ADCY1: variants seen among roughly 807,000 people sequenced by gnomAD.
ADCY1 encodes the protein adenylate cyclase type 1.
A neutral mutation model predicts 105.4 loss-of-function variants in ADCY1; 28 were observed. The ratio of observed to expected loss-of-function variants is 0.27; its 90% CI spans 0.20 to 0.36. The LOEUF (loss-of-function observed/expected upper bound fraction) is 0.36, where lower values mean the gene tolerates loss of function less well. Ranked by LOEUF, ADCY1 falls within the 10% of genes least tolerant of loss-of-function variation. The pLI is 1.00. For missense variants in ADCY1, 977 were observed against 1,434.2 expected (o/e 0.68, Z 5.15); for synonymous variants, 655 against 623.8 (o/e 1.05, Z -0.75).
rs1207174847 is a variant in ADCY1 at position 45,626,951 on chromosome 7, G to GAAGGAGATGCTCCAATGT, written c.1020+4209_1020+4226dup. 2.9e-4 allele frequency among the ~76,000 whole-genome samples: 44 copies of GAAGGAGATGCTCCAATGT among 152,318 alleles called. 1 individual carries two copies. Among genetic ancestry groups the GAAGGAGATGCTCCAATGT allele is most frequent in the African/African-American group, 1.0e-3 (42 of 41,570 alleles). ...ATTGTTTTATAGCACTAGAGGGCCA[G>GAAGGAGATGCTCCAATGT]AAGGAGATGCTCCAATGTGAGCAGA... On this transcript the variant is annotated intron_variant, in intron 4 of 19. Transcript: ENST00000297323.
intron 3 of ADCY1, among the ~76,000 whole-genome samples, chr7:45,611,839 T>C (rs1320643165): frequency 6.6e-6 from 1 of 152,164 alleles, no homozygotes; most frequent in Non-Finnish European, 1.5e-5. Context: ...TTTCTGCTGT[T>C]TTTTGCTGGT....
chr7:45,636,208 A>G (rs890007966), intron 4 of ADCY1, among the ~76,000 whole-genome samples: 1 of 152,214 alleles, frequency 6.6e-6, no homozygotes, highest in Non-Finnish European at 1.5e-5. Flanking sequence ...TTCTAAGACT[A>G]CCAATGGATA....
At chr7:45,612,156 G>A (rs898348156) in intron 3 of ADCY1, among the ~76,000 whole-genome samples, 6 of 152,204 alleles carry the variant, frequency 3.9e-5, no homozygotes, top group Non-Finnish European at 5.9e-5. Flanking sequence ...CTGCAGAGGA[G>A]GATGCTTAAG....
At chr7:45,620,216 G>A (rs1793853718) in intron 3 of ADCY1, among the ~76,000 whole-genome samples, 1 of 152,154 alleles carries the variant, frequency 6.6e-6, no homozygotes, top group African/African-American at 2.4e-5. Context: ...ATTAAAGAGT[G>A]TCATTGTGGT....
chr7:45,660,251 G>A (rs1205593448), intron 7 of ADCY1, 68 bp downstream of exon 7: 4 of 1,582,418 alleles, frequency 2.5e-6, no homozygotes, highest in Non-Finnish European at 3.4e-6. Context: ...CTTTACAGAT[G>A]TGACTCCTCC....
At chr7:45,621,367 T>A in intron 3 of ADCY1, among the ~76,000 whole-genome samples, 1 of 152,108 alleles carries the variant, frequency 6.6e-6, no homozygotes, top group East Asian at 1.9e-4. Context: ...TGCCCTGCCA[T>A]GAATCTTTTA....
intron 1 of ADCY1, among the ~76,000 whole-genome samples, chr7:45,579,518 T>C (rs1469129043): frequency 6.6e-6 from 1 of 152,098 alleles, no homozygotes; most frequent in East Asian, 1.9e-4. Flanking sequence ...GGCCCGCTTA[T>C]CTTCGTGGCC....
At chr7:45,606,255 T>C (rs1474003498) in intron 2 of ADCY1, among the ~76,000 whole-genome samples, 13 of 151,828 alleles carry the variant, frequency 8.6e-5, no homozygotes, top group Admixed American at 7.2e-4. Context: ...GGTGGGTTGA[T>C]TGGGGGCCCC....
At chr7:45,624,440 A>T (rs1386660687) in intron 4 of ADCY1, among the ~76,000 whole-genome samples, 1 of 152,140 alleles carries the variant, frequency 6.6e-6, no homozygotes, top group Admixed American at 6.5e-5. Context: ...CCAGTTGTAA[A>T]GTCACTGTTT....
intron 2 of ADCY1, among the ~76,000 whole-genome samples, chr7:45,597,572 T>G (rs1370296997): frequency 6.6e-6 from 1 of 152,158 alleles, no homozygotes; most frequent in East Asian, 1.9e-4. Context: ...ATACAGACAC[T>G]AGGAGCTTTC....
rs184241840 is a variant in ADCY1 at position 45,696,814 on chromosome 7, G to T, written c.2455-6562G>T. 1.4e-3 allele frequency among the ~76,000 whole-genome samples: 216 copies of T among 152,308 alleles called. 5 individuals are homozygous for T. In the East Asian group the frequency reaches 0.036, roughly 25 times the overall value. On this transcript the variant is annotated intron_variant, in intron 14 of 19. Transcript: ENST00000297323. ...ACCCCAGAAGTTGCTTTCTGCCCAC[G>T]GAGTGGGCAGAAATGTGCACAGGCT...
intron 11 of ADCY1, 38 bp from the exon 12 acceptor site, chr7:45,684,941 A>G: frequency 1.3e-6 from 2 of 1,571,846 alleles, no homozygotes; most frequent in Admixed American, 1.7e-5. Context: ...CACCTTGGTA[A>G]TCAGAGGGTA....
rs555967176 is a variant in ADCY1, at chr7:45,700,549, C to A, written c.2455-2827C>A. Among the ~76,000 whole-genome samples, 17 of 152,290 alleles carry A rather than the reference C, an allele frequency of 1.1e-4. No homozygotes were observed. The South Asian group carries it at 3.1e-3, about 28-fold the overall frequency. On this transcript the variant is annotated intron_variant, in intron 14 of 19. Coordinates refer to ENST00000297323, the MANE Select transcript of ADCY1 (RefSeq NM_021116.4). ...TGCCCGCAAAGAGGGGTGTGTGCACCTCAGGACACTGGATGGTTCAGTGAG... is the reference window on the plus strand; with the variant it reads ...TGCCCGCAAAGAGGGGTGTGTGCACATCAGGACACTGGATGGTTCAGTGAG...
chr7:45,583,838 C>T (rs1051874949), intron 1 of ADCY1, among the ~76,000 whole-genome samples: 13 of 151,446 alleles, frequency 8.6e-5, no homozygotes, highest in Middle Eastern at 3.2e-3. Context: ...TGGGGTTTCT[C>T]CATGTTCGTC....
At chr7:45,706,873 A>C (rs1442589341) in intron 17 of ADCY1, among the ~76,000 whole-genome samples, 1 of 152,194 alleles carries the variant, frequency 6.6e-6, no homozygotes, top group East Asian at 1.9e-4. Flanking sequence ...AGAAAAAAAA[A>C]CCCCAGTTAA....
chr7:45,583,149 C>T (rs990239713), intron 1 of ADCY1, among the ~76,000 whole-genome samples: 16 of 152,174 alleles, frequency 1.1e-4, no homozygotes, highest in African/African-American at 3.6e-4. Context: ...CGTGTGGATA[C>T]GTGTGACTGT....
intron 2 of ADCY1, among the ~76,000 whole-genome samples, chr7:45,603,303 T>C (rs946115565): frequency 1.3e-5 from 2 of 152,202 alleles, no homozygotes; most frequent in African/African-American, 4.8e-5. Flanking sequence ...CACATTTTCA[T>C]TTCTTTTGGA....
intron 1 of ADCY1, among the ~76,000 whole-genome samples, chr7:45,592,034 T>A (rs1465622777): frequency 3.3e-5 from 5 of 151,312 alleles, no homozygotes; most frequent in African/African-American, 9.7e-5. Flanking sequence ...AATCAACATC[T>A]GGGCTGTTTT....
chr7:45,652,856 T>C (rs1794847010), intron 5 of ADCY1, among the ~76,000 whole-genome samples: 1 of 152,196 alleles, frequency 6.6e-6, no homozygotes, highest in Non-Finnish European at 1.5e-5. Flanking sequence ...TTAGCCATCC[T>C]GGCCCTCTGG....
Sources: gnomAD v4.1 joint callset for allele counts (sites outside exome capture counted in the v4.1 genomes callset) on GRCh38, gnomAD v4.1.1 for gene constraint, MANE v1.5 for transcripts, NCBI Gene and HGNC (gene_info 2026-07-23, HGNC 2026-07-21) for gene names.